Variants in KCNJ6 observed in about 807,000 individuals in gnomAD.
KCNJ6 encodes the protein G protein-activated inward rectifier potassium channel 2.
Under a neutral mutation model 34.2 loss-of-function variants are expected in KCNJ6, and 9 were observed. The ratio of observed to expected loss-of-function variants is 0.26; its 90% CI spans 0.16 to 0.46. KCNJ6 has a LOEUF of 0.46. KCNJ6 is among the 20% of genes least tolerant of loss of function. The pLI, the probability that KCNJ6 is intolerant of heterozygous loss-of-function variation, is 1.00. For missense variants in KCNJ6, 236 were observed against 531.3 expected, an observed-to-expected ratio of 0.44 and a Z score of 5.46; for synonymous variants, 196 against 207.1, an observed-to-expected ratio of 0.95 and a Z score of 0.46.
At chr21:37,776,421 G>A (rs1187299115) in intron 2 of KCNJ6, among the ~76,000 whole-genome samples, 1 of 152,052 alleles carries the variant, frequency 6.6e-6, no homozygotes, top group African/African-American at 2.4e-5. Context: ...TCCCTGTCTT[G>A]TGCCAGTTTT....
chr21:37,743,028 T>C (rs2054948926), intron 2 of KCNJ6, among the ~76,000 whole-genome samples: 1 of 152,170 alleles, frequency 6.6e-6, no homozygotes, highest in African/African-American at 2.4e-5. Context: ...AGCTCAGACT[T>C]GCCCTTCCCT....
chr21:37,821,290 T>C lies in KCNJ6; in HGVS notation c.25+19368A>G, dbSNP rs1055841348. On this transcript the variant is annotated intron_variant, in intron 2 of 3. Coordinates refer to ENST00000609713, the MANE Select transcript of KCNJ6 (RefSeq NM_002240.5). ...TTGTTGCACAATGCTGTATAACCACTACCTCCATCTAGTTCCCATTTTCAA... is the reference window on the plus strand; with the variant it reads ...TTGTTGCACAATGCTGTATAACCACCACCTCCATCTAGTTCCCATTTTCAA... Among the ~76,000 whole-genome samples, 7 of 152,354 alleles carry C rather than the reference T, an allele frequency of 4.6e-5. No homozygotes were observed. In the South Asian group the frequency reaches 6.2e-4, roughly 14 times the overall value.
At chr21:37,830,373 C>A (rs1427659304) in intron 2 of KCNJ6, among the ~76,000 whole-genome samples, 1 of 152,112 alleles carries the variant, frequency 6.6e-6, no homozygotes, top group Non-Finnish European at 1.5e-5. Flanking sequence ...GTCTGTTTGG[C>A]CTTCCTCTTC....
At chr21:37,893,002 GC>G (rs1259831476) in intron 1 of KCNJ6, among the ~76,000 whole-genome samples, 1 of 151,550 alleles carries the variant, frequency 6.6e-6, no homozygotes, top group Admixed American at 6.6e-5. Context: ...ACAGGCGCCC[GC>G]CACCCAGGCC....
intron 3 of KCNJ6, among the ~76,000 whole-genome samples, chr21:37,627,553 T>G (rs898324200): frequency 6.6e-6 from 1 of 152,146 alleles, no homozygotes; most frequent in South Asian, 2.1e-4. Context: ...AGGAAGTACA[T>G]GTTTATGGTA....
chr21:37,746,914 T>G (rs750774249), intron 2 of KCNJ6, among the ~76,000 whole-genome samples: 1 of 152,240 alleles, frequency 6.6e-6, no homozygotes, highest in Non-Finnish European at 1.5e-5. Flanking sequence ...GCAAAAGTTT[T>G]AAGTGCTCCA....
chr21:37,804,225 ATTGT>A (rs954251201), intron 2 of KCNJ6, among the ~76,000 whole-genome samples: 18 of 152,232 alleles, frequency 1.2e-4, no homozygotes, highest in African/African-American at 4.3e-4. Flanking sequence ...TGCAACACTC[ATTGT>A]TTGTAGGATT....
intron 2 of KCNJ6, among the ~76,000 whole-genome samples, chr21:37,759,130 C>T (rs895505191): frequency 1.3e-5 from 2 of 152,160 alleles, no homozygotes; most frequent in African/African-American, 2.4e-5. Context: ...GGGAGGAGAT[C>T]AGCTCGCAGT....
intron 3 of KCNJ6, among the ~76,000 whole-genome samples, chr21:37,706,736 C>T (rs1335053341): frequency 6.6e-6 from 1 of 152,228 alleles, no homozygotes; most frequent in East Asian, 1.9e-4. Context: ...TTACTGTCCA[C>T]TTCGTTGAAG....
In KCNJ6 at chr21:37,831,776, G is replaced by C. The variant is rs569601711; in HGVS notation, c.25+8882C>G. On this transcript the variant is annotated intron_variant, in intron 2 of 3. Transcript: ENST00000609713. ...CACGGTCCTGGGGCAAAGGAGGCAG[G>C]GGAATGCGCAAGGAGGGGAAGTGGA... Among the ~76,000 whole-genome samples, 5 of 152,314 alleles carry C rather than the reference G, an allele frequency of 3.3e-5. No individual in the cohort carries two copies. In the South Asian group the frequency reaches 1.0e-3, roughly 32 times the overall value.
At chr21:37,830,205 A>G (rs1052272175) in intron 2 of KCNJ6, among the ~76,000 whole-genome samples, 1 of 152,186 alleles carries the variant, frequency 6.6e-6, no homozygotes, top group African/African-American at 2.4e-5. Context: ...GGCTGACCAG[A>G]CAGACTCTCC....
chr21:37,772,264 C>T (rs755668834), intron 2 of KCNJ6, among the ~76,000 whole-genome samples: 1 of 152,076 alleles, frequency 6.6e-6, no homozygotes, highest in Non-Finnish European at 1.5e-5. Flanking sequence ...CACGCCGAGA[C>T]AATTTATTAT....
At chr21:37,795,159 AAAG>A (rs2055235175) in intron 2 of KCNJ6, among the ~76,000 whole-genome samples, 1 of 152,362 alleles carries the variant, frequency 6.6e-6, no homozygotes, top group South Asian at 2.1e-4. Context: ...AGCCTAAACT[AAAG>A]AAGTTGAGGA....
chr21:37,685,963 T>A (rs2054613391), intron 3 of KCNJ6, among the ~76,000 whole-genome samples: 1 of 152,070 alleles, frequency 6.6e-6, no homozygotes, highest in Admixed American at 6.6e-5. Context: ...GGAATATGTA[T>A]GAATACATGT....
At chr21:37,880,332 A>T (rs1390680477) in intron 1 of KCNJ6, among the ~76,000 whole-genome samples, 1 of 152,236 alleles carries the variant, frequency 6.6e-6, no homozygotes, top group East Asian at 1.9e-4. Context: ...CACATTGTAC[A>T]CCACCTCTCA....
intron 2 of KCNJ6, among the ~76,000 whole-genome samples, chr21:37,786,181 C>T (rs1258720940): frequency 6.6e-6 from 1 of 152,192 alleles, no homozygotes; most frequent in Non-Finnish European, 1.5e-5. Context: ...AGCCTCTTTG[C>T]CCTCCTGGTG....
At chr21:37,754,027 G>T (rs2055011056) in intron 2 of KCNJ6, among the ~76,000 whole-genome samples, 1 of 152,224 alleles carries the variant, frequency 6.6e-6, no homozygotes, top group Non-Finnish European at 1.5e-5. Context: ...CCTGCAGATA[G>T]TTTTCTTGAA....
intron 1 of KCNJ6, among the ~76,000 whole-genome samples, chr21:37,862,709 G>A (rs1296809767): frequency 6.6e-6 from 1 of 152,298 alleles, no homozygotes; most frequent in East Asian, 1.9e-4. Flanking sequence ...CTAGCGGTAG[G>A]CTGACTTAGT....
At chr21:37,696,051 A>G (rs972850327) in intron 3 of KCNJ6, among the ~76,000 whole-genome samples, 5 of 152,260 alleles carry the variant, frequency 3.3e-5, no homozygotes, top group Admixed American at 2.6e-4. Flanking sequence ...TGATATAGAT[A>G]GATCAATAGA....
Sources: gnomAD v4.1 joint callset for allele counts (sites outside exome capture counted in the v4.1 genomes callset) on GRCh38, gnomAD v4.1.1 for gene constraint, MANE v1.5 for transcripts, NCBI Gene and HGNC (gene_info 2026-07-23, HGNC 2026-07-21) for gene names.